Variants in GULP1 observed in about 807,000 individuals in gnomAD.
GULP1 encodes PTB domain-containing engulfment adapter protein 1.
Under a neutral mutation model 40.9 loss-of-function variants are expected in GULP1, and 19 were observed. The ratio of observed to expected loss-of-function variants is 0.46; its 90% CI spans 0.32 to 0.68. The LOEUF (loss-of-function observed/expected upper bound fraction) is 0.68, where lower values mean the gene tolerates loss of function less well. Among genes scored for constraint, GULP1 ranks in the 30% least tolerant of loss-of-function variants. GULP1 has a pLI of 0.03. For missense variants in GULP1, 312 were observed against 362.2 expected (o/e 0.86, Z 1.12); for synonymous variants, 119 against 117.6 (o/e 1.01, Z -0.08).
At chr2:188,512,127 A>G (rs2064638725) in intron 4 of GULP1, among the ~76,000 whole-genome samples, 1 of 152,164 alleles carries the variant, frequency 6.6e-6, no homozygotes, top group South Asian at 2.1e-4. Flanking sequence ...TAGCTTATCT[A>G]CTAGGTACAG....
intron 1 of GULP1, among the ~76,000 whole-genome samples, chr2:188,322,296 T>C (rs1559109580): frequency 1.3e-5 from 2 of 152,108 alleles, no homozygotes; most frequent in Admixed American, 1.3e-4. Context: ...ATTTATATTT[T>C]AGAGCTTTTT....
chr2:188,352,502 T>A (rs2044591117), intron 1 of GULP1, among the ~76,000 whole-genome samples: 1 of 152,002 alleles, frequency 6.6e-6, no homozygotes, highest in African/African-American at 2.4e-5. Context: ...GATCTTGGCA[T>A]TTCTTAGCTT....
chr2:188,326,052 T>C (rs1464493615), intron 1 of GULP1, among the ~76,000 whole-genome samples: 1 of 152,010 alleles, frequency 6.6e-6, no homozygotes, highest in Non-Finnish European at 1.5e-5. Context: ...TATACCAGAG[T>C]GGGTTTTTAG....
At chr2:188,507,101 C>T (rs571744829) in intron 4 of GULP1, among the ~76,000 whole-genome samples, 97 of 152,014 alleles carry the variant, frequency 6.4e-4, no homozygotes, top group Non-Finnish European at 1.2e-3. Context: ...TTTCTATAGG[C>T]GTAGATTGAC....
At position 188,570,116 on chromosome 2, in the gene GULP1, C is replaced by T. The variant is rs778832408; in HGVS notation, c.605C>T (p.Pro202Leu). The T allele has an allele frequency of 1.4e-5, 18 of 1,307,828 alleles. No individual in the cohort carries two copies. The highest frequency in any genetic ancestry group is 1.7e-5 in the Non-Finnish European group (16 of 919,994). 81.0% of individuals were successfully genotyped at this position (1,307,828 alleles called of 1,614,324 possible). The change falls in exon 9 of 12, where the codon CCT becomes CTT. Residue 202 changes from proline (P) to leucine (L), a missense_variant. Transcript: ENST00000409830. Reference protein sequence around the residue: ...NQLRITQVSAPPAGSMTPKSP... With the variant: ...NQLRITQVSALPAGSMTPKSP... ...CTGAGAATAACTCAAGTATCAGCAC[C>T]TCCAGTGAGTATATTGAATATCCTT...
intron 1 of GULP1, among the ~76,000 whole-genome samples, chr2:188,347,826 C>A: frequency 6.6e-6 from 1 of 152,128 alleles, no homozygotes; most frequent in Non-Finnish European, 1.5e-5. Flanking sequence ...CCATGTTGCC[C>A]AGACTATTCT....
intron 4 of GULP1, among the ~76,000 whole-genome samples, chr2:188,488,689 A>G (rs946815797): frequency 6.6e-6 from 1 of 152,062 alleles, no homozygotes; most frequent in African/African-American, 2.4e-5. Context: ...TTCCTGAAGC[A>G]CAACAGGAGA....
intron 1 of GULP1, among the ~76,000 whole-genome samples, chr2:188,347,565 A>C (rs1301738209): frequency 6.6e-6 from 1 of 151,958 alleles, no homozygotes; most frequent in Non-Finnish European, 1.5e-5. Flanking sequence ...TCATGCTTTT[A>C]ATTAGCACAC....
At position 188,424,723 on chromosome 2, in the gene GULP1, GTCTTTATTTTAGTC is replaced by G. The variant is rs2055926242; in HGVS notation, c.-45+40841_-45+40854del. ...GTCTATAATTTTCACATTTTTATAT[GTCTTTATTTTAGTC>G]TCTTTAATCAATAAGTTTTTCCATA... On this transcript the variant is annotated intron_variant, in intron 2 of 11. Transcript: ENST00000409830. 1.4e-4 allele frequency among the ~76,000 whole-genome samples: 22 copies of G among 151,818 alleles called. No homozygotes were observed. The South Asian group carries it at 4.6e-3, about 31-fold the overall frequency.
chr2:188,362,493 A>G (rs1414381908), intron 1 of GULP1, among the ~76,000 whole-genome samples: 1 of 152,142 alleles, frequency 6.6e-6, no homozygotes, highest in Non-Finnish European at 1.5e-5. Flanking sequence ...TAAACAAAAC[A>G]AAACAGTGGA....
chr2:188,428,615 G>T (rs923009842), intron 2 of GULP1, among the ~76,000 whole-genome samples: 4 of 152,134 alleles, frequency 2.6e-5, no homozygotes, highest in Non-Finnish European at 5.9e-5. Flanking sequence ...CTTTGGACAT[G>T]TAAAGTGCAG....
chr2:188,549,462 A>G (rs1692883112), intron 7 of GULP1, among the ~76,000 whole-genome samples: 1 of 151,798 alleles, frequency 6.6e-6, no homozygotes, highest in African/African-American at 2.4e-5. Flanking sequence ...TTACTACAGA[A>G]TTATCAGACA....
chr2:188,555,621 C>T (rs1694541565), intron 7 of GULP1, among the ~76,000 whole-genome samples: 1 of 152,106 alleles, frequency 6.6e-6, no homozygotes, highest in African/African-American at 2.4e-5. Flanking sequence ...AGACGCTTTC[C>T]TCTTGCTGTT....
At chr2:188,521,339 C>A (rs2065757306) in intron 4 of GULP1, among the ~76,000 whole-genome samples, 1 of 152,074 alleles carries the variant, frequency 6.6e-6, no homozygotes, top group Non-Finnish European at 1.5e-5. Context: ...TATTATGAAA[C>A]TTTTTTCACT....
intron 1 of GULP1, among the ~76,000 whole-genome samples, chr2:188,359,124 A>G (rs1466609588): frequency 2.6e-5 from 4 of 152,188 alleles, no homozygotes; most frequent in Admixed American, 1.3e-4. Flanking sequence ...GGATTTGGAT[A>G]GTAAACATAC....
intron 6 of GULP1, among the ~76,000 whole-genome samples, chr2:188,538,014 G>A (rs180993123): frequency 2.6e-4 from 40 of 152,146 alleles, no homozygotes; most frequent in Admixed American, 7.2e-4. Flanking sequence ...TTGTATTTCC[G>A]TGGGATCAGT....
intron 1 of GULP1, among the ~76,000 whole-genome samples, chr2:188,307,574 A>G (rs760049665): frequency 6.1e-4 from 67 of 109,742 alleles, no homozygotes; most frequent in Admixed American, 1.1e-3. Context: ...ACATGGGTCA[A>G]TAGTTTTCAA....
chr2:188,542,563 T>C (rs1359165078), intron 7 of GULP1, among the ~76,000 whole-genome samples: 1 of 152,154 alleles, frequency 6.6e-6, no homozygotes, highest in African/African-American at 2.4e-5. Context: ...AAAGCTAATG[T>C]GCTAAGCTAC....
chr2:188,528,059 T>C (rs1386444402), intron 5 of GULP1, among the ~76,000 whole-genome samples: 5 of 152,160 alleles, frequency 3.3e-5, no homozygotes, highest in African/African-American at 4.8e-5. Context: ...TTTCTTCTAA[T>C]AGTTTTCTTT....
Sources: allele counts gnomAD v4.1 joint callset (sites outside exome capture counted in the v4.1 genomes callset), GRCh38; gene constraint gnomAD v4.1.1; transcripts MANE v1.5; gene names NCBI Gene and HGNC (gene_info 2026-07-23, HGNC 2026-07-21).